The following ZSCAN25 variants were observed in gnomAD, a reference collection of about 807,000 sequenced individuals.
The protein encoded by ZSCAN25 is zinc finger and SCAN domain containing 25.
Under a neutral mutation model 38.7 loss-of-function variants are expected in ZSCAN25, and 27 were observed. That is an observed-to-expected ratio of 0.70 (90% CI 0.51 to 0.96). ZSCAN25 has a LOEUF of 0.96. Ranked by LOEUF, ZSCAN25 falls within the 40% of genes least tolerant of loss-of-function variation. The pLI, the probability that ZSCAN25 is intolerant of heterozygous loss-of-function variation, is 0.00. For synonymous variants in ZSCAN25, 273 were observed against 277.7 expected (o/e 0.98, Z 0.17); for missense variants, 637 against 705.9 (o/e 0.90, Z 1.11).
rs1808000879 is a variant in ZSCAN25, at chr7:99,631,604, A to G, written c.*1584A>G. The G allele has an allele frequency of 1.0e-6, 1 of 984,898 alleles. No individual in the cohort carries two copies. Among genetic ancestry groups the G allele is most frequent in the African/African-American group, 1.8e-5 (1 of 57,054 alleles). The allele number at this position is 984,898 out of a possible 1,614,324, so 61.0% of individuals were successfully genotyped here. A position where few individuals can be genotyped will look rare whatever the true frequency, so the allele number is the denominator to read the frequency against. ...GTCTTCTGATGCCTCTTAATACCAG[A>G]TTCTTTTACTGAGATTTTTTTTTTT... is the stretch of plus-strand genomic sequence containing the variant. On this transcript the variant is annotated 3_prime_UTR_variant, in exon 8 of 8. Coordinates refer to ENST00000394152, the MANE Select transcript of ZSCAN25 (RefSeq NM_145115.3).
chr7:99,644,347 A>G, the ZSCAN25 span, among the ~76,000 whole-genome samples: 6 of 152,062 alleles, frequency 3.9e-5, no homozygotes, highest in African/African-American at 1.4e-4. Context: ...ATTCTGGAGA[A>G]CTCTGGAGGG....
At chr7:99,690,002 A>T in the ZSCAN25 span, among the ~76,000 whole-genome samples, 1 of 152,228 alleles carries the variant, frequency 6.6e-6, no homozygotes, top group Non-Finnish European at 1.5e-5. Context: ...GTCAATCCTA[A>T]GCCAAAAGAA....
the ZSCAN25 span, chr7:99,720,450 C>A: frequency 2.2e-5 from 36 of 1,609,756 alleles, no homozygotes; most frequent in African/African-American, 3.7e-4. Context: ...ACATCAACAG[C>A]CTTATGCTAC....
downstream of ZSCAN25, among the ~76,000 whole-genome samples, chr7:99,632,800 A>G (rs1036997101): frequency 2.6e-5 from 4 of 152,186 alleles, no homozygotes; most frequent in South Asian, 2.1e-4. Flanking sequence ...AAAACAAAAC[A>G]GTTCCTTAAT....
At position 99,631,568 on chromosome 7, in the gene ZSCAN25, A is replaced by G; in HGVS notation, c.*1548A>G. 2 of 985,310 alleles carry G rather than the reference A, an allele frequency of 2.0e-6. No individual in the cohort carries two copies. Among genetic ancestry groups the G allele is most frequent in the Non-Finnish European group, 2.4e-6 (2 of 829,910 alleles). 61.0% of individuals were successfully genotyped at this position (985,310 alleles called of 1,614,324 possible). On this transcript the variant is annotated 3_prime_UTR_variant, in exon 8 of 8. Coordinates refer to ENST00000394152, the MANE Select transcript of ZSCAN25 (RefSeq NM_145115.3). Reference sequence around the variant, plus strand: ...TTGTTGATAGTGTCCTATAATTGCAAAATGTGGTTTGTCTTCTGATGCCTC... The same window carrying G: ...TTGTTGATAGTGTCCTATAATTGCAGAATGTGGTTTGTCTTCTGATGCCTC...
At chr7:99,705,601 A>C in the ZSCAN25 span, 34 of 1,612,994 alleles carry the variant, frequency 2.1e-5, no homozygotes, top group African/African-American at 2.7e-5. Flanking sequence ...GGGATCTGCA[A>C]CAGTTAAACG....
At chr7:99,702,873 T>C in the ZSCAN25 span, among the ~76,000 whole-genome samples, 1 of 152,338 alleles carries the variant, frequency 6.6e-6, no homozygotes, top group South Asian at 2.1e-4. Flanking sequence ...TCTTACAATA[T>C]GTAAACATGG....
At chr7:99,695,440 G>A in the ZSCAN25 span, among the ~76,000 whole-genome samples, 1 of 152,122 alleles carries the variant, frequency 6.6e-6, no homozygotes, top group East Asian at 1.9e-4. Context: ...ACCTTCCTGG[G>A]AACCTACATG....
At chr7:99,685,140 T>G in the ZSCAN25 span, 1 of 1,590,330 alleles carries the variant, frequency 6.3e-7, no homozygotes, top group Non-Finnish European at 8.6e-7. Context: ...TTAGGGAAAT[T>G]CAGGTTCCAC....
the ZSCAN25 span, chr7:99,652,651 C>G: frequency 6.2e-7 from 1 of 1,613,982 alleles, no homozygotes; most frequent in South Asian, 1.1e-5. Context: ...GAATGAATAC[C>G]CCATTGATTT....
At chr7:99,709,186 G>A in the ZSCAN25 span, 7 of 1,613,904 alleles carry the variant, frequency 4.3e-6, no homozygotes, top group Admixed American at 1.0e-4. Context: ...ATAGCAACTG[G>A]GAATAATCTG....
chr7:99,714,910 G>T, the ZSCAN25 span, among the ~76,000 whole-genome samples: 1 of 152,132 alleles, frequency 6.6e-6, no homozygotes, highest in Non-Finnish European at 1.5e-5. Context: ...AGCCCCTTCT[G>T]CATCTTTTGA....
At chr7:99,670,613 A>G in the ZSCAN25 span, among the ~76,000 whole-genome samples, 1 of 152,240 alleles carries the variant, frequency 6.6e-6, no homozygotes, top group Non-Finnish European at 1.5e-5. Context: ...TGTTCAACTT[A>G]TAGAAAAATT....
the ZSCAN25 span, among the ~76,000 whole-genome samples, chr7:99,673,194 G>A: frequency 6.6e-6 from 1 of 152,194 alleles, no homozygotes; most frequent in Non-Finnish European, 1.5e-5. Context: ...CATGTTGCCT[G>A]TATGGGCCAT....
At chr7:99,699,874 T>C in the ZSCAN25 span, 1 of 842,450 alleles carries the variant, frequency 1.2e-6, no homozygotes, top group Admixed American at 1.8e-5. Context: ...GAACATCTCT[T>C]TTGATCTTTA....
the ZSCAN25 span, chr7:99,705,355 G>T: frequency 1.1e-6 from 1 of 884,864 alleles, no homozygotes; most frequent in Non-Finnish European, 1.8e-6. Context: ...AGAGCACAAT[G>T]CACGTACAGA....
Position 99,619,781 on chromosome 7 carries a change from G to A in ZSCAN25, c.175G>A (p.Ala59Thr), listed in dbSNP as rs1476583053. ...CCAGGAGGCAGCTGGACCCCAGGAA[G>A]CTCTTAGGGAGCTCCAGGAGCTCTG... ...RYQEAAGPQE[A>T]LRELQELCRR... The change falls in exon 4 of 8, where the codon GCT (alanine) becomes ACT (threonine). Residue 59 changes from alanine (A) to threonine (T), a missense_variant. By Grantham distance (58) the Ala-to-Thr change is moderately conservative. Coordinates refer to ENST00000394152, the MANE Select transcript of ZSCAN25 (RefSeq NM_145115.3). The A allele has an allele frequency of 6.2e-7, 1 of 1,614,266 alleles. No homozygotes were observed. Among genetic ancestry groups the A allele is most frequent in the Non-Finnish European group, 8.5e-7 (1 of 1,180,052 alleles).
chr7:99,725,444 C>A, the ZSCAN25 span, among the ~76,000 whole-genome samples: 1 of 152,218 alleles, frequency 6.6e-6, no homozygotes, highest in South Asian at 2.1e-4. Flanking sequence ...CAGTGTAAGA[C>A]AACCCAAGAC....
At chr7:99,663,480 C>A in the ZSCAN25 span, 1 of 991,144 alleles carries the variant, frequency 1.0e-6, no homozygotes, top group Non-Finnish European at 1.2e-6. Context: ...TCAGAGAAGA[C>A]CCCTGTTCAC....
Sources: gnomAD v4.1 joint callset for allele counts (sites outside exome capture counted in the v4.1 genomes callset) on GRCh38, gnomAD v4.1.1 for gene constraint, MANE v1.5 for transcripts, NCBI Gene and HGNC (gene_info 2026-07-23, HGNC 2026-07-21) for gene names.